DCC: variants seen among roughly 807,000 people sequenced by gnomAD.
DCC encodes the protein netrin receptor DCC.
In DCC, 58 loss-of-function variants were observed where a neutral mutation model predicts 172.5. The observed-to-expected ratio is 0.34, with a 90% CI of 0.27 to 0.42. DCC has a LOEUF of 0.42. DCC is among the 10% of genes least tolerant of loss of function. The probability of loss-of-function intolerance (pLI) is 1.00; values close to 1 mark genes in which losing one functional copy is unlikely to be tolerated. For missense variants in DCC, 1,740 were observed against 1,791.0 expected, an observed-to-expected ratio of 0.97 and a Z score of 0.51; for synonymous variants, 709 against 644.5, an observed-to-expected ratio of 1.10 and a Z score of -1.52.
chr18:52,414,897 T>G (rs1279451465), intron 1 of DCC, among the ~76,000 whole-genome samples: 2 of 152,244 alleles, frequency 1.3e-5, no homozygotes, highest in African/African-American at 4.8e-5. Flanking sequence ...GAAAACTAGT[T>G]GGCATATTTC....
chr18:53,383,131 C>T (rs1907894681), intron 15 of DCC, among the ~76,000 whole-genome samples: 1 of 152,004 alleles, frequency 6.6e-6, no homozygotes, highest in South Asian at 2.1e-4. Context: ...GGTTTGATCC[C>T]TTTGGCAAAA....
At chr18:53,102,836 C>G (rs1568306414) in intron 7 of DCC, among the ~76,000 whole-genome samples, 1 of 152,018 alleles carries the variant, frequency 6.6e-6, no homozygotes, top group East Asian at 1.9e-4. Flanking sequence ...ACCATGAAGA[C>G]CCCCTTAGGA....
chr18:52,730,305 A>G (rs981582821), intron 1 of DCC, among the ~76,000 whole-genome samples: 3 of 152,166 alleles, frequency 2.0e-5, no homozygotes, highest in Non-Finnish European at 4.4e-5. Flanking sequence ...TATAATGCAC[A>G]GGTCAGCTCC....
chr18:53,389,440 T>C (rs192326129), intron 16 of DCC, among the ~76,000 whole-genome samples: 11 of 152,328 alleles, frequency 7.2e-5, no homozygotes, highest in Admixed American at 6.5e-4. Context: ...AAATGCTCTA[T>C]ATCTGCATCA....
At chr18:53,286,981 G>C (rs1371633686) in intron 12 of DCC, among the ~76,000 whole-genome samples, 4 of 148,408 alleles carry the variant, frequency 2.7e-5, no homozygotes, top group Non-Finnish European at 6.0e-5. Context: ...TTTTTTTTTT[G>C]GTGGTGAAAT....
intron 13 of DCC, among the ~76,000 whole-genome samples, chr18:53,309,706 A>T (rs2057241731): frequency 6.6e-6 from 1 of 152,034 alleles, no homozygotes; most frequent in Admixed American, 6.6e-5. Context: ...CCAAAAGCAA[A>T]GTGAGATGAA....
At chr18:53,289,608 A>C (rs2056977249) in intron 12 of DCC, among the ~76,000 whole-genome samples, 1 of 149,272 alleles carries the variant, frequency 6.7e-6, no homozygotes, top group African/African-American at 2.4e-5. Context: ...TTTATTGAAC[A>C]AATTAATAAA....
chr18:53,304,570 G>A (rs529419897), intron 12 of DCC, among the ~76,000 whole-genome samples: 1 of 152,212 alleles, frequency 6.6e-6, no homozygotes, highest in South Asian at 2.1e-4. Context: ...TGGCCTCTGA[G>A]TTGAATATCC....
At position 52,497,351 on chromosome 18, in the gene DCC, A is replaced by ATATG. The variant is rs1555689853; in HGVS notation, c.91+156476_91+156477insGTAT. Among the ~76,000 whole-genome samples, 34 of 84,356 alleles carry ATATG rather than the reference A, an allele frequency of 4.0e-4. 3 individuals are homozygous for ATATG. The highest frequency in any genetic ancestry group is 1.1e-3 in the African/African-American group (24 of 21,716). The allele number at this position is 84,356 out of a possible 152,430, so 55.3% of individuals were successfully genotyped here. On this transcript the variant is annotated intron_variant, in intron 1 of 28. Transcript: ENST00000442544. The stretch of plus-strand genomic sequence containing the variant: ...TATATATACACACGTATGCATATAT[A>ATATG]TATACACACATATACATATGTGTAT...
intron 2 of DCC, among the ~76,000 whole-genome samples, chr18:52,864,904 G>A (rs541688744): frequency 6.6e-6 from 1 of 151,760 alleles, no homozygotes; most frequent in East Asian, 1.9e-4. Flanking sequence ...CTCACTCTGT[G>A]GCCCAGCCTG....
At chr18:53,486,015 A>AAGAT (rs1303089110) in intron 25 of DCC, among the ~76,000 whole-genome samples, 1 of 152,090 alleles carries the variant, frequency 6.6e-6, no homozygotes, top group Non-Finnish European at 1.5e-5. Context: ...GGCATAATAA[A>AAGAT]AGATAGGGAA....
intron 12 of DCC, among the ~76,000 whole-genome samples, chr18:53,283,335 G>A (rs2056895021): frequency 6.6e-6 from 1 of 151,964 alleles, no homozygotes; most frequent in African/African-American, 2.4e-5. Context: ...TTCTATTCCA[G>A]GAAAGAAAGA....
In DCC at chr18:52,836,508, G is replaced by T. The variant is rs146658548; in HGVS notation, c.413-69536G>T. Among the ~76,000 whole-genome samples, 508 of 152,290 alleles carry T rather than the reference G, an allele frequency of 3.3e-3. 3 individuals carry two copies. The highest frequency in any genetic ancestry group is 0.011 in the African/African-American group (470 of 41,562). On this transcript the variant is annotated intron_variant, in intron 2 of 28. Coordinates refer to ENST00000442544, the MANE Select transcript of DCC (RefSeq NM_005215.4). ...ACACCTGTTCCAAATGGGAGAAAGT[G>T]GCCAAAACAAAGGAGCTACAGTCTC...
chr18:52,542,340 A>T (rs2032484537), intron 1 of DCC, among the ~76,000 whole-genome samples: 1 of 152,186 alleles, frequency 6.6e-6, no homozygotes, highest in African/African-American at 2.4e-5. Context: ...GTTTGAATAA[A>T]TTTTTTAAAT....
chr18:53,244,354 A>G (rs2144644492), intron 12 of DCC, among the ~76,000 whole-genome samples: 1 of 152,222 alleles, frequency 6.6e-6, no homozygotes, highest in Non-Finnish European at 1.5e-5. Context: ...AATCCTCAGG[A>G]TAATTTTATA....
chr18:53,052,351 C>CT (rs2042344895), intron 5 of DCC, among the ~76,000 whole-genome samples: 1 of 151,938 alleles, frequency 6.6e-6, no homozygotes, highest in Non-Finnish European at 1.5e-5. Context: ...GGATTAAGTT[C>CT]TTTGTTTCTT....
At chr18:53,070,768 G>A (rs1017658377) in intron 7 of DCC, among the ~76,000 whole-genome samples, 3 of 152,136 alleles carry the variant, frequency 2.0e-5, no homozygotes, top group South Asian at 2.1e-4. Context: ...ATAAAAATCC[G>A]AAAGCGTGAC....
At chr18:52,347,707 A>G (rs922506346) in intron 1 of DCC, among the ~76,000 whole-genome samples, 3 of 152,136 alleles carry the variant, frequency 2.0e-5, no homozygotes, top group Admixed American at 6.5e-5. Context: ...TATTAGAGGA[A>G]TATCTAATTA....
chr18:52,403,798 C>G (rs1411518439), intron 1 of DCC, among the ~76,000 whole-genome samples: 1 of 152,004 alleles, frequency 6.6e-6, no homozygotes, highest in African/African-American at 2.4e-5. Flanking sequence ...TTGAGAAGAG[C>G]CTCCTCAGCA....
Sources: gnomAD v4.1 joint callset for allele counts (sites outside exome capture counted in the v4.1 genomes callset) on GRCh38, gnomAD v4.1.1 for gene constraint, MANE v1.5 for transcripts, NCBI Gene and HGNC (gene_info 2026-07-23, HGNC 2026-07-21) for gene names.